CMSS1: variants seen among roughly 807,000 people sequenced by gnomAD.
CMSS1 encodes the protein protein CMSS1.
A neutral mutation model predicts 43.5 loss-of-function variants in CMSS1; 33 were observed. The observed-to-expected ratio is 0.76, with a 90% CI of 0.57 to 1.01. The LOEUF (loss-of-function observed/expected upper bound fraction) is 1.01, where lower values mean the gene tolerates loss of function less well. CMSS1 is among the 50% of genes least tolerant of loss of function. CMSS1 has a pLI of 0.00. For missense variants in CMSS1, 313 were observed against 326.4 expected, an observed-to-expected ratio of 0.96 and a Z score of 0.32; for synonymous variants, 115 against 117.2, an observed-to-expected ratio of 0.98 and a Z score of 0.12.
At chr3:100,155,253 A>G (rs2107522287) in intron 2 of CMSS1, among the ~76,000 whole-genome samples, 1 of 152,254 alleles carries the variant, frequency 6.6e-6, no homozygotes. Context: ...CTATTACATC[A>G]TTATGATGAT....
chr3:99,879,773 G>T (rs539400629), intron 1 of CMSS1, among the ~76,000 whole-genome samples: 13 of 152,218 alleles, frequency 8.5e-5, no homozygotes, highest in African/African-American at 3.1e-4. Context: ...AGTATATATG[G>T]AAACACTGTC....
At chr3:100,033,530 T>G (rs1281843627) in intron 1 of CMSS1, among the ~76,000 whole-genome samples, 1 of 152,196 alleles carries the variant, frequency 6.6e-6, no homozygotes, top group African/African-American at 2.4e-5. Flanking sequence ...ATTCTTAAAG[T>G]TGGACTCTGT....
chr3:100,079,537 C>CA (rs1398266685), intron 1 of CMSS1, among the ~76,000 whole-genome samples: 1 of 151,958 alleles, frequency 6.6e-6, no homozygotes, highest in South Asian at 2.1e-4. Flanking sequence ...ATCATGTCAG[C>CA]AAAAAAGTAG....
intron 1 of CMSS1, among the ~76,000 whole-genome samples, chr3:99,897,621 A>T (rs1027371995): frequency 2.0e-4 from 31 of 152,178 alleles, no homozygotes; most frequent in Non-Finnish European, 1.2e-4. Context: ...GGTATCGTGT[A>T]TTTGAGGAGA....
intron 1 of CMSS1, among the ~76,000 whole-genome samples, chr3:100,126,402 A>G (rs2066662291): frequency 6.6e-6 from 1 of 152,126 alleles, no homozygotes; most frequent in Non-Finnish European, 1.5e-5. Flanking sequence ...TGAGTAATTG[A>G]TTGTTTTGTC....
chr3:99,967,749 G>A (rs1199934482), intron 1 of CMSS1, among the ~76,000 whole-genome samples: 5 of 152,206 alleles, frequency 3.3e-5, no homozygotes, highest in African/African-American at 9.6e-5. Flanking sequence ...AAATAGAAAT[G>A]TAGATGTGGA....
At position 99,992,027 on chromosome 3, in the gene CMSS1, C is replaced by T. The variant is rs558661119; in HGVS notation, c.65-154946C>T. On this transcript the variant is annotated intron_variant, in intron 1 of 9. Coordinates refer to ENST00000421999, the MANE Select transcript of CMSS1 (RefSeq NM_032359.4). ...ATGTGTGTGTGTATATATATATATA[C>T]GTGTATATATATATACCACTCTTTC... Among the ~76,000 whole-genome samples, 60 of 147,114 alleles carry T rather than the reference C, an allele frequency of 4.1e-4. No homozygotes were observed. In the South Asian group the frequency reaches 5.4e-3, roughly 13 times the overall value.
intron 1 of CMSS1, among the ~76,000 whole-genome samples, chr3:100,074,515 T>G (rs1267569247): frequency 1.3e-5 from 2 of 152,024 alleles, no homozygotes; most frequent in Admixed American, 6.6e-5. Context: ...ATTTTGCAAA[T>G]TTATTCTATA....
At chr3:99,937,811 T>G (rs1315396729) in intron 1 of CMSS1, among the ~76,000 whole-genome samples, 1 of 152,244 alleles carries the variant, frequency 6.6e-6, no homozygotes, top group Non-Finnish European at 1.5e-5. Flanking sequence ...ACTGAGAATC[T>G]ACTGAAGTAG....
At chr3:100,025,271 A>G (rs1308306250) in intron 1 of CMSS1, among the ~76,000 whole-genome samples, 1 of 152,188 alleles carries the variant, frequency 6.6e-6, no homozygotes, top group Non-Finnish European at 1.5e-5. Context: ...TCTAAAGGGC[A>G]CAGGCCTCTG....
chr3:100,156,638 C>G (rs1425528129), intron 2 of CMSS1, among the ~76,000 whole-genome samples: 1 of 149,848 alleles, frequency 6.7e-6, no homozygotes, highest in Non-Finnish European at 1.5e-5. Flanking sequence ...GTTTTTGAGA[C>G]GGAGTCTCGC....
chr3:100,087,336 T>C (rs935917772), intron 1 of CMSS1, among the ~76,000 whole-genome samples: 5 of 152,250 alleles, frequency 3.3e-5, no homozygotes, highest in African/African-American at 1.2e-4. Flanking sequence ...GAAATTCCAG[T>C]TGCTCAGCAA....
chr3:100,008,468 T>G (rs1476425330), intron 1 of CMSS1, among the ~76,000 whole-genome samples: 3 of 152,208 alleles, frequency 2.0e-5, no homozygotes, highest in Non-Finnish European at 2.9e-5. Context: ...ATTGGTATCC[T>G]GCAATTCTCA....
intron 1 of CMSS1, among the ~76,000 whole-genome samples, chr3:100,139,040 A>C (rs1261600750): frequency 6.6e-6 from 1 of 152,214 alleles, no homozygotes; most frequent in Non-Finnish European, 1.5e-5. Flanking sequence ...TGTCCATTGC[A>C]GGGACATGGA....
At chr3:100,042,351 G>A (rs931982626) in intron 1 of CMSS1, among the ~76,000 whole-genome samples, 3 of 151,916 alleles carry the variant, frequency 2.0e-5, no homozygotes, top group Non-Finnish European at 2.9e-5. Context: ...AAAAACATTG[G>A]CTCTGTGACC....
At chr3:100,128,467 C>T (rs2066680283) in intron 1 of CMSS1, among the ~76,000 whole-genome samples, 1 of 152,144 alleles carries the variant, frequency 6.6e-6, no homozygotes, top group African/African-American at 2.4e-5. Context: ...CAACTTTAAA[C>T]ACCATTAGAA....
chr3:100,168,875 AT>A (rs1284139278), intron 6 of CMSS1, among the ~76,000 whole-genome samples: 1 of 150,722 alleles, frequency 6.6e-6, no homozygotes, highest in African/African-American at 2.4e-5. Flanking sequence ...ATATATATAT[AT>A]ATATACACAC....
chr3:100,140,277 TTTCCTTCTA>T (rs1360341511), intron 1 of CMSS1, among the ~76,000 whole-genome samples: 1 of 151,802 alleles, frequency 6.6e-6, no homozygotes, highest in Non-Finnish European at 1.5e-5. Context: ...CTTAATGAAA[TTTCCTTCTA>T]TTCCTCTATT....
intron 1 of CMSS1, chr3:99,930,637 T>C: frequency 3.3e-6 from 3 of 920,364 alleles, no homozygotes; most frequent in Non-Finnish European, 4.9e-6. Context: ...TCTTTGTATA[T>C]ATACTTATGC....
Sources: allele counts gnomAD v4.1 joint callset (sites outside exome capture counted in the v4.1 genomes callset), GRCh38; gene constraint gnomAD v4.1.1; transcripts MANE v1.5; gene names NCBI Gene and HGNC (gene_info 2026-07-23, HGNC 2026-07-21).